The following SYT1 variants were observed in gnomAD, a reference collection of about 807,000 sequenced individuals.
The protein encoded by SYT1 is synaptotagmin-1.
SYT1 carries 8 observed loss-of-function variants against 44.8 expected under a neutral mutation model. That is an observed-to-expected ratio of 0.18 (90% CI 0.10 to 0.32). SYT1 has a LOEUF of 0.32. SYT1 is among the 10% of genes least tolerant of loss of function. The pLI is 1.00. For synonymous variants in SYT1, 154 were observed against 188.8 expected (o/e 0.82, Z 1.51); for missense variants, 286 against 509.3 (o/e 0.56, Z 4.22).
chr12:78,921,608 CA>C (rs1565718468), intron 1 of SYT1, among the ~76,000 whole-genome samples: 1 of 151,662 alleles, frequency 6.6e-6, no homozygotes, highest in Non-Finnish European at 1.5e-5. Context: ...GTGGATAGAA[CA>C]GGCAAAAAGT....
At chr12:78,972,198 A>C (rs556404397) in intron 1 of SYT1, among the ~76,000 whole-genome samples, 6 of 152,172 alleles carry the variant, frequency 3.9e-5, no homozygotes, top group African/African-American at 1.4e-4. Context: ...TTCTTATGTA[A>C]ATATCATGTA....
At chr12:79,246,029 G>C (rs78781889) in intron 4 of SYT1, among the ~76,000 whole-genome samples, 1 of 151,938 alleles carries the variant, frequency 6.6e-6, no homozygotes, top group African/African-American at 2.4e-5. Context: ...CAAATATAAA[G>C]TACTTTTAAT....
At chr12:79,020,208 T>G (rs1026630913) in intron 2 of SYT1, among the ~76,000 whole-genome samples, 1 of 152,020 alleles carries the variant, frequency 6.6e-6, no homozygotes, top group African/African-American at 2.4e-5. Flanking sequence ...TCTGTGATCA[T>G]CAGCTTATTT....
chr12:79,213,144 A>T (rs1057129016), intron 3 of SYT1, among the ~76,000 whole-genome samples: 4 of 152,190 alleles, frequency 2.6e-5, no homozygotes, highest in African/African-American at 9.6e-5. Flanking sequence ...TTTTTTAGTG[A>T]TAAAGAATAG....
chr12:79,000,006 A>C (rs1002664237), intron 2 of SYT1, among the ~76,000 whole-genome samples: 2 of 152,216 alleles, frequency 1.3e-5, no homozygotes, highest in Admixed American at 6.5e-5. Context: ...TGAAGTGTGA[A>C]ATAAATGCAA....
chr12:79,034,070 A>G (rs1872976292), intron 2 of SYT1, among the ~76,000 whole-genome samples: 1 of 151,520 alleles, frequency 6.6e-6, no homozygotes, highest in African/African-American at 2.4e-5. Flanking sequence ...ACAATATTAA[A>G]TCATCATGTG....
rs1055673890 is a variant in SYT1, at chr12:79,296,179, G to A, written c.585G>A (p.Glu195=). ...TACCTGATAAGAAGAAGAAATTTGAGACAAAAGTCCACCGAAAAACCCTTA... is the reference window on the plus strand; with the variant it reads ...TACCTGATAAGAAGAAGAAATTTGAAACAAAAGTCCACCGAAAAACCCTTA... ...FLLPDKKKKF[E]TKVHRKTLNP... is the part of the protein sequence containing the mutation. Residue 195 remains glutamate, a synonymous_variant, in exon 7 of 11, where the codon GAG becomes GAA. Coordinates refer to ENST00000261205, the MANE Select transcript of SYT1 (RefSeq NM_005639.3). 4.3e-6 allele frequency: 7 copies of A among 1,614,014 alleles called. No individual in the cohort carries two copies. The African/African-American group carries it at 6.7e-5, about 15-fold the overall frequency.
At chr12:79,224,736 TTTA>T (rs1875388992) in intron 4 of SYT1, among the ~76,000 whole-genome samples, 1 of 55,766 alleles carries the variant, frequency 1.8e-5, no homozygotes, top group Admixed American at 2.0e-4. Context: ...TGTTTCATTT[TTTA>T]TTTATTTATT....
At chr12:79,068,696 G>C (rs1876048058) in intron 3 of SYT1, among the ~76,000 whole-genome samples, 1 of 151,940 alleles carries the variant, frequency 6.6e-6, no homozygotes, top group Admixed American at 6.6e-5. Context: ...CAGTACATTG[G>C]TACAGAAAAG....
chr12:79,417,123 G>A (rs1050297180), intron 9 of SYT1, among the ~76,000 whole-genome samples: 3 of 152,100 alleles, frequency 2.0e-5, no homozygotes, highest in African/African-American at 4.8e-5. Context: ...CAATGAACAT[G>A]TTCATTTAGT....
intron 2 of SYT1, among the ~76,000 whole-genome samples, chr12:78,989,651 G>C (rs1473230075): frequency 6.6e-6 from 1 of 152,042 alleles, no homozygotes; most frequent in Non-Finnish European, 1.5e-5. Context: ...ACTACCAATG[G>C]ATTTCCCTAA....
upstream of SYT1, chr12:78,864,759 C>T (rs920303113): frequency 6.5e-6 from 1 of 153,338 alleles, no homozygotes; most frequent in Non-Finnish European, 1.4e-5. Flanking sequence ...ATGCTCTAGA[C>T]CGAGTACTGC....
chr12:79,045,487 C>G (rs563095734), intron 2 of SYT1: 1 of 156,710 alleles, frequency 6.4e-6, no homozygotes, highest in Admixed American at 6.5e-5. Flanking sequence ...GGCTCGCGCA[C>G]GGTGCGCACA....
At chr12:79,193,562 T>C (rs1392647451) in intron 3 of SYT1, among the ~76,000 whole-genome samples, 1 of 152,144 alleles carries the variant, frequency 6.6e-6, no homozygotes, top group Non-Finnish European at 1.5e-5. Context: ...CATTTTTTAC[T>C]ATTATTAAGA....
chr12:79,335,514 A>T (rs1348112819), intron 8 of SYT1, among the ~76,000 whole-genome samples: 1 of 150,870 alleles, frequency 6.6e-6, no homozygotes, highest in Non-Finnish European at 1.5e-5. Flanking sequence ...AGGCACCTTT[A>T]TCTTGGCTCT....
chr12:78,920,343 T>C (rs1204400734), intron 1 of SYT1, among the ~76,000 whole-genome samples: 1 of 151,990 alleles, frequency 6.6e-6, no homozygotes, highest in Non-Finnish European at 1.5e-5. Context: ...GGTTGTCTTA[T>C]GAGCTAATAG....
intron 9 of SYT1, among the ~76,000 whole-genome samples, chr12:79,415,535 T>G (rs1868680568): frequency 6.6e-6 from 1 of 152,208 alleles, no homozygotes; most frequent in Admixed American, 6.5e-5. Flanking sequence ...CACTTAAACA[T>G]TTTTGTATGA....
chr12:79,386,264 A>G (rs1211856116), intron 9 of SYT1, among the ~76,000 whole-genome samples: 1 of 152,166 alleles, frequency 6.6e-6, no homozygotes, highest in African/African-American at 2.4e-5. Context: ...CACAATTATA[A>G]GATTCCTTTG....
chr12:79,199,055 G>T (rs1358622164), intron 3 of SYT1, among the ~76,000 whole-genome samples: 4 of 152,190 alleles, frequency 2.6e-5, no homozygotes, highest in Non-Finnish European at 5.9e-5. Context: ...TGAGGAAGTA[G>T]TTATAATCTT....
Sources: gnomAD v4.1 joint callset for allele counts (sites outside exome capture counted in the v4.1 genomes callset) on GRCh38, gnomAD v4.1.1 for gene constraint, MANE v1.5 for transcripts, NCBI Gene and HGNC (gene_info 2026-07-23, HGNC 2026-07-21) for gene names.